LDB2: variants seen among roughly 807,000 people sequenced by gnomAD.
LDB2 encodes LIM domain binding 2, also known as LIM domain-binding protein 2.
Under a neutral mutation model 44.3 loss-of-function variants are expected in LDB2, and 12 were observed. The ratio of observed to expected loss-of-function variants is 0.27; its 90% CI spans 0.17 to 0.44. The LOEUF (loss-of-function observed/expected upper bound fraction) is 0.44. Ranked by LOEUF, LDB2 falls within the 20% of genes least tolerant of loss-of-function variation. The pLI, the probability that LDB2 is intolerant of heterozygous loss-of-function variation, is 1.00. For synonymous variants in LDB2, 164 were observed against 174.8 expected, an observed-to-expected ratio of 0.94 and a Z score of 0.49; for missense variants, 344 against 473.5, an observed-to-expected ratio of 0.73 and a Z score of 2.54.
intron 2 of LDB2, among the ~76,000 whole-genome samples, chr4:16,617,480 G>C (rs553696549): frequency 7.2e-5 from 11 of 152,284 alleles, no homozygotes; most frequent in Admixed American, 1.3e-4. Flanking sequence ...AAATTAAGAA[G>C]TGATTAACAC....
intron 5 of LDB2, among the ~76,000 whole-genome samples, chr4:16,565,716 A>G (rs1245161987): frequency 6.6e-6 from 1 of 151,996 alleles, no homozygotes; most frequent in Non-Finnish European, 1.5e-5. Context: ...TGAAAATGAT[A>G]TAAAAATTTA....
intron 1 of LDB2, among the ~76,000 whole-genome samples, chr4:16,871,604 T>C (rs559858192): frequency 9.5e-5 from 14 of 146,764 alleles, no homozygotes; most frequent in Non-Finnish European, 1.8e-4. Flanking sequence ...CCAACATTCA[T>C]GTCAAAACCA....
At chr4:16,803,370 C>A (rs557538105) in intron 1 of LDB2, among the ~76,000 whole-genome samples, 1 of 152,202 alleles carries the variant, frequency 6.6e-6, no homozygotes, top group Admixed American at 6.5e-5. Flanking sequence ...TGAATTGCAA[C>A]TTCATAAAAA....
At chr4:16,670,857 TTGAG>T (rs1398531744) in intron 2 of LDB2, among the ~76,000 whole-genome samples, 1 of 152,196 alleles carries the variant, frequency 6.6e-6, no homozygotes, top group African/African-American at 2.4e-5. Context: ...TTGTTATTTA[TTGAG>T]TGTTTACAAT....
At chr4:16,649,139 A>G (rs2152522050) in intron 2 of LDB2, among the ~76,000 whole-genome samples, 1 of 152,304 alleles carries the variant, frequency 6.6e-6, no homozygotes, top group East Asian at 1.9e-4. Flanking sequence ...TCTTGGTAGA[A>G]CCCTAGTGGG....
chr4:16,628,617 G>C (rs538525164), intron 2 of LDB2, among the ~76,000 whole-genome samples: 2 of 149,930 alleles, frequency 1.3e-5, no homozygotes, highest in Non-Finnish European at 3.0e-5. Flanking sequence ...TCTTAAATTT[G>C]AGTCACCCGG....
At chr4:16,538,952 T>G (rs1577484635) in intron 5 of LDB2, among the ~76,000 whole-genome samples, 2 of 152,130 alleles carry the variant, frequency 1.3e-5, no homozygotes, top group Admixed American at 6.5e-5. Flanking sequence ...AGTGTTTGAT[T>G]TGGGTTTGGA....
rs1771328995 is a variant in LDB2, at chr4:16,774,078, CA to C, written c.133-14819del. Among the ~76,000 whole-genome samples the C allele has an allele frequency of 2.0e-5, 3 of 148,314 alleles. No individual in the cohort carries two copies. The Admixed American group carries it at 2.1e-4, about 10-fold the overall frequency. On this transcript the variant is annotated intron_variant, in intron 1 of 7. Coordinates refer to ENST00000304523, the MANE Select transcript of LDB2 (RefSeq NM_001290.5). ...GCTGAGGCAGGAGAATTGCTTGAAC[CA>C]GGGAGGCAGAGGTTGCAGTGAGCCA... is the stretch of plus-strand genomic sequence containing the variant.
chr4:16,722,960 A>AT (rs1018370644), intron 2 of LDB2, among the ~76,000 whole-genome samples: 1 of 152,186 alleles, frequency 6.6e-6, no homozygotes, highest in African/African-American at 2.4e-5. Context: ...TTATATACAG[A>AT]TAAACTCTCA....
intron 5 of LDB2, among the ~76,000 whole-genome samples, chr4:16,539,961 C>T (rs1733186267): frequency 6.6e-6 from 1 of 152,248 alleles, no homozygotes; most frequent in Non-Finnish European, 1.5e-5. Context: ...AATTGATTAA[C>T]AGTTCTTCAG....
At chr4:16,810,907 T>C (rs968014564) in intron 1 of LDB2, among the ~76,000 whole-genome samples, 1 of 152,116 alleles carries the variant, frequency 6.6e-6, no homozygotes, top group Non-Finnish European at 1.5e-5. Flanking sequence ...GTCCCCAACA[T>C]TTTTGGCACC....
intron 1 of LDB2, among the ~76,000 whole-genome samples, chr4:16,820,089 C>T (rs1457371854): frequency 6.6e-6 from 1 of 152,106 alleles, no homozygotes; most frequent in East Asian, 1.9e-4. Flanking sequence ...AATTGGCACT[C>T]AAGTAAATAG....
At chr4:16,752,697 C>A (rs1283252758) in intron 2 of LDB2, among the ~76,000 whole-genome samples, 1 of 152,078 alleles carries the variant, frequency 6.6e-6, no homozygotes, top group African/African-American at 2.4e-5. Context: ...CTCATTTAAC[C>A]CTAAAATGTT....
At chr4:16,552,190 C>T (rs1440185397) in intron 5 of LDB2, among the ~76,000 whole-genome samples, 1 of 152,084 alleles carries the variant, frequency 6.6e-6, no homozygotes, top group Non-Finnish European at 1.5e-5. Flanking sequence ...TTGTTTGTGC[C>T]TGATACATCC....
At chr4:16,852,728 G>T (rs1788537708) in intron 1 of LDB2, among the ~76,000 whole-genome samples, 1 of 151,774 alleles carries the variant, frequency 6.6e-6, no homozygotes, top group African/African-American at 2.4e-5. Flanking sequence ...TATTCTTTTG[G>T]GACTAAAAAC....
chr4:16,650,292 T>C (rs950192232), intron 2 of LDB2, among the ~76,000 whole-genome samples: 2 of 152,198 alleles, frequency 1.3e-5, no homozygotes, highest in African/African-American at 4.8e-5. Flanking sequence ...TGCCAAATAC[T>C]TAGCATTGGG....
chr4:16,837,279 G>A (rs192669721), intron 1 of LDB2, among the ~76,000 whole-genome samples: 80 of 152,212 alleles, frequency 5.3e-4, no homozygotes, highest in African/African-American at 1.8e-3. Flanking sequence ...CTACCTTGGA[G>A]AACTACCATA....
intron 1 of LDB2, among the ~76,000 whole-genome samples, chr4:16,780,415 G>C (rs1365349197): frequency 6.6e-6 from 1 of 152,096 alleles, no homozygotes; most frequent in Non-Finnish European, 1.5e-5. Context: ...TACTGATGGA[G>C]TTTCACCATG....
At chr4:16,742,384 A>G (rs1763485980) in intron 2 of LDB2, among the ~76,000 whole-genome samples, 1 of 152,080 alleles carries the variant, frequency 6.6e-6, no homozygotes. Flanking sequence ...CATTTCTTAT[A>G]CAACATGGTT....
Sources: allele counts gnomAD v4.1 joint callset (sites outside exome capture counted in the v4.1 genomes callset), GRCh38; gene constraint gnomAD v4.1.1; transcripts MANE v1.5; gene names NCBI Gene and HGNC (gene_info 2026-07-23, HGNC 2026-07-21).